Variants in CCDC7 observed in about 807,000 individuals in gnomAD.
CCDC7 encodes coiled-coil domain-containing protein 7.
CCDC7 carries 183 observed loss-of-function variants against 196.9 expected under a neutral mutation model. The observed-to-expected ratio is 0.93, with a 90% CI of 0.82 to 1.05. The LOEUF is 1.05. Among genes scored for constraint, CCDC7 ranks in the 50% least tolerant of loss-of-function variants. The pLI is 0.00. For missense variants in CCDC7, 1,540 were observed against 1,482.2 expected (o/e 1.04, Z -0.64); for synonymous variants, 525 against 484.6 (o/e 1.08, Z -1.10).
chr10:32,547,621 C>G (rs977871917), intron 13 of CCDC7, among the ~76,000 whole-genome samples: 2 of 151,950 alleles, frequency 1.3e-5, no homozygotes, highest in Non-Finnish European at 2.9e-5. Context: ...TCTGTGGGTA[C>G]ATAGTAGGTG....
chr10:32,789,731 A>G (rs2082400400), intron 29 of CCDC7, among the ~76,000 whole-genome samples: 1 of 152,132 alleles, frequency 6.6e-6, no homozygotes, highest in African/African-American at 2.4e-5. Context: ...TGCTATTATC[A>G]CAGAGGAGTA....
At chr10:32,457,873 GTT>G (rs60179387) in intron 3 of CCDC7, among the ~76,000 whole-genome samples, 1 of 149,582 alleles carries the variant, frequency 6.7e-6, no homozygotes, top group African/African-American at 2.5e-5. Context: ...TTTAAAATCA[GTT>G]TTTTTTTGCC....
At chr10:32,878,261 T>C (rs1316868789), downstream of CCDC7, among the ~76,000 whole-genome samples, 1 of 152,080 alleles carries the variant, frequency 6.6e-6, no homozygotes, top group Non-Finnish European at 1.5e-5. Context: ...CCTATGTGGC[T>C]TGTGGCTCCC....
intron 11 of CCDC7, among the ~76,000 whole-genome samples, chr10:32,525,260 GA>G (rs1293095770): frequency 1.3e-4 from 19 of 149,954 alleles, no homozygotes; most frequent in South Asian, 4.2e-4. Context: ...AAAAAGAAAA[GA>G]AAAAAAAACC....
At position 32,574,417 on chromosome 10, in the gene CCDC7, G is replaced by A. The variant is rs374491879; in HGVS notation, c.1454+2524G>A. 13 of 1,567,842 alleles carry A rather than the reference G, an allele frequency of 8.3e-6. No individual in the cohort carries two copies. In the African/African-American group the frequency reaches 1.6e-4, roughly 20 times the overall value. On this transcript the variant is annotated intron_variant, in intron 16 of 41. Transcript: ENST00000639629. Reference sequence around the variant, plus strand: ...TATTATTCATCAACCTTCATTTTGGGTTACTTCTTAGATGCTAATAGAGTT... The same window carrying A: ...TATTATTCATCAACCTTCATTTTGGATTACTTCTTAGATGCTAATAGAGTT...
At chr10:32,511,216 A>G in intron 9 of CCDC7, 1 of 642,812 alleles carries the variant, frequency 1.6e-6, no homozygotes, top group Non-Finnish European at 2.7e-6. Context: ...ATTAATAAGA[A>G]ACACATTTAA....
chr10:32,660,776 A>G (rs1467769250), intron 20 of CCDC7, among the ~76,000 whole-genome samples: 1 of 151,656 alleles, frequency 6.6e-6, no homozygotes, highest in Non-Finnish European at 1.5e-5. Context: ...AGCCATATAT[A>G]GAAAGCTGAA....
At chr10:32,593,846 A>C (rs2060029559) in intron 18 of CCDC7, among the ~76,000 whole-genome samples, 1 of 152,162 alleles carries the variant, frequency 6.6e-6, no homozygotes, top group African/African-American at 2.4e-5. Flanking sequence ...TTTGTCAAAG[A>C]TCAGATGGTT....
At chr10:32,829,265 G>C (rs954801217) in intron 32 of CCDC7, among the ~76,000 whole-genome samples, 5 of 151,632 alleles carry the variant, frequency 3.3e-5, no homozygotes, top group African/African-American at 1.2e-4. Context: ...ACTCCACCGG[G>C]AAAAAATTTC....
At chr10:32,847,987 G>T (rs974121268) in intron 38 of CCDC7, 71 bp downstream of exon 39, 3 of 911,922 alleles carry the variant, frequency 3.3e-6, no homozygotes, top group African/African-American at 1.7e-5. Context: ...AATCTTTAAT[G>T]ATAACAGTAC....
At chr10:32,703,914 G>A (rs2079216052) in intron 24 of CCDC7, among the ~76,000 whole-genome samples, 1 of 151,888 alleles carries the variant, frequency 6.6e-6, no homozygotes, top group South Asian at 2.1e-4. Flanking sequence ...TTAGACATTC[G>A]TCTAATTTTT....
intron 11 of CCDC7, among the ~76,000 whole-genome samples, chr10:32,529,203 AG>A (rs1564561036): frequency 6.6e-6 from 1 of 151,942 alleles, no homozygotes; most frequent in Non-Finnish European, 1.5e-5. Context: ...TTGTATTTTT[AG>A]TAGAGATGGG....
intron 9 of CCDC7, among the ~76,000 whole-genome samples, chr10:32,496,590 T>A (rs1184307183): frequency 1.3e-5 from 2 of 152,256 alleles, no homozygotes; most frequent in Non-Finnish European, 2.9e-5. Context: ...ATTGAGAATT[T>A]TCAGCATGAA....
At chr10:32,556,009 G>C (rs1045769335) in intron 13 of CCDC7, among the ~76,000 whole-genome samples, 4 of 152,160 alleles carry the variant, frequency 2.6e-5, no homozygotes, top group African/African-American at 9.7e-5. Flanking sequence ...AAGATCTCTG[G>C]AGGCCTCAGC....
intron 25 of CCDC7, among the ~76,000 whole-genome samples, chr10:32,723,489 A>G (rs189640072): frequency 4.1e-4 from 62 of 152,212 alleles, no homozygotes; most frequent in African/African-American, 1.4e-3. Context: ...AGCTATATAC[A>G]TTGGAAGAAT....
At chr10:32,778,831 T>C in intron 28 of CCDC7, 146 bp from the exon 30 acceptor site, 2 of 625,848 alleles carry the variant, frequency 3.2e-6, no homozygotes, top group South Asian at 2.0e-5. Context: ...TTTTCATTTA[T>C]TTGTGCCATT....
At chr10:32,554,932 C>G (rs1159085968) in intron 13 of CCDC7, among the ~76,000 whole-genome samples, 4 of 152,146 alleles carry the variant, frequency 2.6e-5, no homozygotes, top group Non-Finnish European at 5.9e-5. Flanking sequence ...ATTTTTAGCT[C>G]CCACAAATAA....
At chr10:32,583,857 C>G (rs2058974675) in intron 17 of CCDC7, among the ~76,000 whole-genome samples, 1 of 151,848 alleles carries the variant, frequency 6.6e-6, no homozygotes, top group South Asian at 2.1e-4. Flanking sequence ...TAAAGTATTC[C>G]TATAATAATA....
At chr10:32,730,269 A>G (rs1035866349) in intron 28 of CCDC7, among the ~76,000 whole-genome samples, 3 of 151,998 alleles carry the variant, frequency 2.0e-5, no homozygotes, top group African/African-American at 7.2e-5. Flanking sequence ...GCTCATATTC[A>G]GTCTGATATT....
Sources: gnomAD v4.1 joint callset for allele counts (sites outside exome capture counted in the v4.1 genomes callset) on GRCh38, gnomAD v4.1.1 for gene constraint, MANE v1.5 for transcripts, NCBI Gene and HGNC (gene_info 2026-07-23, HGNC 2026-07-21) for gene names.